The following STK40 variants were observed in gnomAD, a reference collection of about 807,000 sequenced individuals.
STK40 encodes serine/threonine-protein kinase 40.
Under a neutral mutation model 47.9 loss-of-function variants are expected in STK40, and 13 were observed. The ratio of observed to expected loss-of-function variants is 0.27; its 90% confidence interval spans 0.18 to 0.43. The LOEUF (loss-of-function observed/expected upper bound fraction) is 0.43. Among genes scored for constraint, STK40 ranks in the 20% least tolerant of loss-of-function variants. STK40 has a pLI of 1.00. For synonymous variants in STK40, 225 were observed against 243.2 expected (o/e 0.93, Z 0.69); for missense variants, 460 against 595.1 (o/e 0.77, Z 2.36).
chr1:36,358,554 GCA>G (rs967620747), intron 3 of STK40, among the ~76,000 whole-genome samples, 172 bp from the exon 4 acceptor site: 2 of 152,148 alleles, frequency 1.3e-5, no homozygotes, highest in Non-Finnish European at 2.9e-5. Context: ...TGTAATTTAT[GCA>G]CAGACAAAAC....
intron 1 of STK40, 53 bp from the exon 2 acceptor site, chr1:36,361,393 A>T (rs1646851164): frequency 1.2e-6 from 2 of 1,607,654 alleles, no homozygotes; most frequent in South Asian, 2.2e-5. Context: ...GAGTTTCCTT[A>T]TGCTAACCCA....
At chr1:36,383,025 C>T (rs1647054184) in intron 1 of STK40, among the ~76,000 whole-genome samples, 2 of 152,158 alleles carry the variant, frequency 1.3e-5, no homozygotes, top group African/African-American at 2.4e-5. Context: ...TTTGGTTCAC[C>T]GCAACCTCCG....
chr1:36,385,862 C>A lies in STK40; in HGVS notation c.-148G>T, dbSNP rs921702467. ...CCGCCTCCCAGCGCAGCCACCCGAG[C>A]CGCCGCCGCCGCCGCCGCCGCCTCC... is the stretch of plus-strand genomic sequence containing the variant. On this transcript the variant is annotated 5_prime_UTR_variant, in exon 1 of 11. Coordinates refer to ENST00000373132, the MANE Select transcript of STK40 (RefSeq NM_001282547.2). 2.3e-5 allele frequency: 4 copies of A among 173,196 alleles called. No homozygotes were observed. The highest frequency in any genetic ancestry group is 4.7e-5 in the Non-Finnish European group (4 of 84,712). 10.7% of individuals were successfully genotyped at this position (173,196 alleles called of 1,614,324 possible).
At chr1:36,372,525 G>C (rs1646958505) in intron 1 of STK40, 2 of 152,142 alleles carry the variant, frequency 1.3e-5, no homozygotes, top group Admixed American at 1.3e-4. Flanking sequence ...GAAGAGGTGG[G>C]ATATAAACAC....
rs1002682531 is a variant in STK40 at position 36,356,418 on chromosome 1, C to CTTTTTTTTTT, written c.343-995_343-986dup. Among the ~76,000 whole-genome samples, 182 of 116,802 alleles carry CTTTTTTTTTT rather than the reference C, an allele frequency of 1.6e-3. 1 individual carries two copies. Among genetic ancestry groups the CTTTTTTTTTT allele is most frequent in the Non-Finnish European group, 2.0e-3 (110 of 56,380 alleles). 76.6% of individuals were successfully genotyped at this position (116,802 alleles called of 152,430 possible). ...CTGAATATCCACATTTCTTCTTTTTCTTTTTTTTTTTTTTTTTTTTTTTGT... is the reference window on the plus strand; with the variant it reads ...CTGAATATCCACATTTCTTCTTTTTCTTTTTTTTTTTTTTTTTTTTTTTTTTTTTTTTTGT... On this transcript the variant is annotated intron_variant, in intron 4 of 10. Coordinates refer to ENST00000373132, the MANE Select transcript of STK40 (RefSeq NM_001282547.2).
chr1:36,343,572 A>G, intron 9 of STK40, 124 bp from the exon 10 acceptor site: 2 of 1,045,494 alleles, frequency 1.9e-6, no homozygotes, highest in Admixed American at 2.6e-5. Context: ...TCTGAGCCTC[A>G]GTTTTCTTAT....
rs375720377 is a variant in STK40, at chr1:36,357,018, T to C, written c.342+1221A>G. On this transcript the variant is annotated intron_variant, in intron 4 of 10. Transcript: ENST00000373132. Reference sequence around the variant, plus strand: ...AGAACAAAGACCTTGCTGGGGTGTATACATGGGGATGGGAAGTGTTTTCCC... The same window carrying C: ...AGAACAAAGACCTTGCTGGGGTGTACACATGGGGATGGGAAGTGTTTTCCC... Among the ~76,000 whole-genome samples the C allele has an allele frequency of 5.3e-5, 8 of 152,328 alleles. No homozygotes were observed. The East Asian group carries it at 1.4e-3, about 26-fold the overall frequency.
chr1:36,377,932 T>A (rs1647005890), intron 1 of STK40, among the ~76,000 whole-genome samples: 1 of 152,330 alleles, frequency 6.6e-6, no homozygotes, highest in Admixed American at 6.5e-5. Flanking sequence ...TATAAAGCCC[T>A]GTGTCTCATG....
intron 7 of STK40, among the ~76,000 whole-genome samples, chr1:36,346,269 C>T (rs1475437417): frequency 6.6e-6 from 1 of 152,012 alleles, no homozygotes; most frequent in Non-Finnish European, 1.5e-5. Flanking sequence ...GTTGGGATTA[C>T]AGGCATGAGC....
intron 1 of STK40, among the ~76,000 whole-genome samples, chr1:36,364,686 C>T (rs1002126924): frequency 5.3e-5 from 8 of 151,276 alleles, no homozygotes; most frequent in South Asian, 2.1e-4. Flanking sequence ...GGGCTGGGTG[C>T]GGTGGCTCAT....
rs777493861 is a variant in STK40 at position 36,341,847 on chromosome 1, T to C, written c.1216A>G (p.Ser406Gly). 1 of 1,613,788 alleles carries C rather than the reference T, an allele frequency of 6.2e-7. No homozygotes were observed. Among genetic ancestry groups the C allele is most frequent in the African/African-American group, 1.3e-5 (1 of 75,072 alleles). The part of the protein sequence containing the change: ...RSWVPKRQFG[S>G]APPVRRLGHD... ...CCCAGCCGTCGCACCGGTGGTGCGC[T>C]GCCGAACTGCCGCTTGGGTACCCAG... The change falls in exon 11 of 11, where the codon AGC becomes GGC. Residue 406 changes from serine (S) to glycine (G), a missense_variant. Transcript: ENST00000373132.
chr1:36,385,043 T>A (rs183029322), intron 1 of STK40, among the ~76,000 whole-genome samples: 7 of 152,172 alleles, frequency 4.6e-5, no homozygotes, highest in Admixed American at 1.3e-4. Flanking sequence ...ACCTGGGGAT[T>A]GGGGTGGGCA....
intron 1 of STK40, among the ~76,000 whole-genome samples, chr1:36,371,426 C>A (rs867861299): frequency 2.0e-5 from 3 of 150,962 alleles, no homozygotes; most frequent in South Asian, 4.2e-4. Flanking sequence ...TGCTGGTGGG[C>A]GCCTGTAGTG....
At chr1:36,373,409 C>G (rs1406999023) in intron 1 of STK40, among the ~76,000 whole-genome samples, 1 of 152,186 alleles carries the variant, frequency 6.6e-6, no homozygotes, top group Non-Finnish European at 1.5e-5. Flanking sequence ...TGGATTCTCC[C>G]CTTCTATTAT....
intron 7 of STK40, among the ~76,000 whole-genome samples, 189 bp downstream of exon 7, chr1:36,348,511 T>C (rs1350188415): frequency 6.6e-6 from 1 of 152,186 alleles, no homozygotes; most frequent in Non-Finnish European, 1.5e-5. Flanking sequence ...AAACATGCAT[T>C]CATGTTATCA....
At chr1:36,364,988 CTTTTTT>C (rs747047937) in intron 1 of STK40, among the ~76,000 whole-genome samples, 1 of 126,922 alleles carries the variant, frequency 7.9e-6, no homozygotes, top group Non-Finnish European at 1.7e-5. Context: ...GGTCCTTATT[CTTTTTT>C]TTTTTTTTTT....
intron 6 of STK40, among the ~76,000 whole-genome samples, chr1:36,350,859 A>C (rs1490690877): frequency 6.6e-6 from 1 of 152,204 alleles, no homozygotes; most frequent in Non-Finnish European, 1.5e-5. Flanking sequence ...TGCAGGGCTG[A>C]GCGGCAGGCG....
chr1:36,364,951 G>C (rs1055083907), intron 1 of STK40, among the ~76,000 whole-genome samples: 1 of 151,706 alleles, frequency 6.6e-6, no homozygotes, highest in Non-Finnish European at 1.5e-5. Flanking sequence ...TCACCAGTAA[G>C]GTGAAATCCT....
chr1:36,352,958 G>T (rs1646772555), intron 6 of STK40, among the ~76,000 whole-genome samples: 1 of 152,238 alleles, frequency 6.6e-6, no homozygotes, highest in African/African-American at 2.4e-5. Flanking sequence ...GGAGCTATGG[G>T]ATCTGGAACC....
Sources: allele counts gnomAD v4.1 joint callset (sites outside exome capture counted in the v4.1 genomes callset), GRCh38; gene constraint gnomAD v4.1.1; transcripts MANE v1.5; gene names NCBI Gene and HGNC (gene_info 2026-07-23, HGNC 2026-07-21).